Variants in RAPGEF2 observed in about 807,000 individuals in gnomAD.
RAPGEF2 encodes Rap guanine nucleotide exchange factor 2.
In RAPGEF2, 54 loss-of-function variants were observed where a neutral mutation model predicts 186.7. The observed-to-expected ratio is 0.29, with a 90% CI of 0.23 to 0.36. RAPGEF2 has a LOEUF of 0.36. Among genes scored for constraint, RAPGEF2 ranks in the 10% least tolerant of loss-of-function variants. The pLI is 1.00. For missense variants in RAPGEF2, 1,532 were observed against 2,045.0 expected, an observed-to-expected ratio of 0.75 and a Z score of 4.84; for synonymous variants, 712 against 705.9, an observed-to-expected ratio of 1.01 and a Z score of -0.14.
intron 26 of RAPGEF2, chr4:159,352,310 A>C (rs1283403784): frequency 6.0e-6 from 1 of 167,234 alleles, no homozygotes; most frequent in East Asian, 1.7e-4. Flanking sequence ...AAACAAGATC[A>C]GTGGCTTTGC....
intron 1 of RAPGEF2, among the ~76,000 whole-genome samples, chr4:159,131,278 T>C (rs1451158702): frequency 1.3e-5 from 2 of 152,066 alleles, no homozygotes; most frequent in African/African-American, 4.8e-5. Context: ...ACCCAGCTAA[T>C]TGTGTATTTT....
At chr4:159,327,803 T>G (rs914552606) in intron 11 of RAPGEF2, 7 of 152,114 alleles carry the variant, frequency 4.6e-5, no homozygotes, top group African/African-American at 1.7e-4. Context: ...TCAAGTAAAA[T>G]GTATTTCTTT....
intron 7 of RAPGEF2, among the ~76,000 whole-genome samples, chr4:159,295,914 A>G (rs1761961542): frequency 6.6e-6 from 1 of 152,144 alleles, no homozygotes; most frequent in South Asian, 2.1e-4. Context: ...AATTTAGTTT[A>G]TTGTTTTTAA....
At chr4:159,245,741 CTTCT>C (rs1754558634) in intron 7 of RAPGEF2, among the ~76,000 whole-genome samples, 1 of 152,046 alleles carries the variant, frequency 6.6e-6, no homozygotes, top group African/African-American at 2.4e-5. Flanking sequence ...CTTCCATCAT[CTTCT>C]ATTCCTCCCC....
chr4:159,300,817 A>G (rs927901553), intron 7 of RAPGEF2, among the ~76,000 whole-genome samples: 4 of 152,260 alleles, frequency 2.6e-5, no homozygotes, highest in African/African-American at 7.2e-5. Context: ...TGCCTTGTAT[A>G]TATTTCTCAG....
intron 1 of RAPGEF2, among the ~76,000 whole-genome samples, chr4:159,131,926 A>C (rs1450676854): frequency 5.3e-5 from 8 of 152,178 alleles, no homozygotes; most frequent in Non-Finnish European, 8.8e-5. Context: ...GGGAAGTTAC[A>C]GTCTCCTTAC....
chr4:159,259,280 C>T (rs750892572), intron 7 of RAPGEF2, among the ~76,000 whole-genome samples: 20 of 152,018 alleles, frequency 1.3e-4, no homozygotes, highest in South Asian at 4.2e-4. Flanking sequence ...ATAATTTAAC[C>T]GCTTTAGAAG....
intron 1 of RAPGEF2, among the ~76,000 whole-genome samples, chr4:159,170,025 A>G (rs1213383570): frequency 1.3e-5 from 2 of 150,382 alleles, no homozygotes; most frequent in African/African-American, 4.9e-5. Flanking sequence ...ACTAATTTAC[A>G]TTCTCATCAA....
At chr4:159,128,300 G>A (rs528389060) in intron 1 of RAPGEF2, among the ~76,000 whole-genome samples, 7 of 152,230 alleles carry the variant, frequency 4.6e-5, no homozygotes, top group East Asian at 3.9e-4. Context: ...TACTCTCCAC[G>A]TGACCCTGGA....
intron 4 of RAPGEF2, among the ~76,000 whole-genome samples, chr4:159,220,496 C>T (rs1751428077): frequency 1.3e-5 from 2 of 152,182 alleles, no homozygotes; most frequent in Admixed American, 1.3e-4. Context: ...TGCTGCCAAA[C>T]ATAAATCCAC....
intron 29 of RAPGEF2, 63 bp downstream of exon 29, chr4:159,356,221 A>G (rs1292871086): frequency 6.7e-7 from 1 of 1,490,536 alleles, no homozygotes; most frequent in Non-Finnish European, 9.1e-7. Context: ...GCTGCTTCCC[A>G]AGGCATTTCT....
intron 1 of RAPGEF2, among the ~76,000 whole-genome samples, chr4:159,180,386 G>T (rs560391155): frequency 7.9e-5 from 12 of 152,014 alleles, no homozygotes; most frequent in Admixed American, 2.6e-4. Context: ...TTCATATTAC[G>T]TAGTGAAACA....
At chr4:159,105,763 A>T (rs1737801131) in intron 1 of RAPGEF2, among the ~76,000 whole-genome samples, 1 of 152,266 alleles carries the variant, frequency 6.6e-6, no homozygotes, top group Non-Finnish European at 1.5e-5. Flanking sequence ...AGTGTGAAGG[A>T]AAAGCAGATT....
At chr4:159,191,330 A>G (rs976063440) in intron 2 of RAPGEF2, among the ~76,000 whole-genome samples, 1 of 152,208 alleles carries the variant, frequency 6.6e-6, no homozygotes, top group Non-Finnish European at 1.5e-5. Context: ...TGCTAAGGAC[A>G]GGTAGGATTC....
intron 25 of RAPGEF2, among the ~76,000 whole-genome samples, chr4:159,347,759 C>T (rs1425025287): frequency 5.9e-5 from 9 of 152,198 alleles, no homozygotes; most frequent in Non-Finnish European, 2.9e-5. Flanking sequence ...ACTCCTCCAG[C>T]CTGGGCGAAA....
chr4:159,291,337 C>G (rs1761187343), intron 7 of RAPGEF2, among the ~76,000 whole-genome samples: 2 of 152,298 alleles, frequency 1.3e-5, no homozygotes, highest in Non-Finnish European at 2.9e-5. Context: ...AGGTTTCACT[C>G]TGCCATCCAG....
Position 159,104,045 on chromosome 4 carries a change from C to G in RAPGEF2, c.-118C>G. The G allele has an allele frequency of 2.4e-6, 1 of 421,870 alleles. No individual in the cohort carries two copies. Among genetic ancestry groups the G allele is most frequent in the Non-Finnish European group, 3.3e-6 (1 of 306,742 alleles). 26.1% of individuals were successfully genotyped at this position (421,870 alleles called of 1,614,324 possible). A position where few individuals can be genotyped will look rare whatever the true frequency, so the allele number is the denominator to read the frequency against. On this transcript the variant is annotated 5_prime_UTR_variant, in exon 1 of 30. Transcript: ENST00000691494. ...CCGCGCCGCCGCCGCCGCGGTTTGG[C>G]TGATTAGTCGCGGGCGGGCGGGCGG...
intron 1 of RAPGEF2, among the ~76,000 whole-genome samples, chr4:159,139,028 TG>T (rs1742031293): frequency 6.6e-6 from 1 of 152,176 alleles, no homozygotes; most frequent in African/African-American, 2.4e-5. Context: ...TTTCAGTGAA[TG>T]GGTGAATATG....
At chr4:159,233,671 G>A (rs192915495) in intron 4 of RAPGEF2, among the ~76,000 whole-genome samples, 6 of 152,104 alleles carry the variant, frequency 3.9e-5, no homozygotes, top group South Asian at 4.1e-4. Flanking sequence ...TGTGTGCAGC[G>A]TATACTGCTT....
Sources: allele counts gnomAD v4.1 joint callset (sites outside exome capture counted in the v4.1 genomes callset), GRCh38; gene constraint gnomAD v4.1.1; transcripts MANE v1.5; gene names NCBI Gene and HGNC (gene_info 2026-07-23, HGNC 2026-07-21).